BBX: variants seen among roughly 807,000 people sequenced by gnomAD.
BBX encodes BBX high mobility group box domain containing.
A neutral mutation model predicts 100.2 loss-of-function variants in BBX; 30 were observed. The observed-to-expected ratio is 0.30, with a 90% CI of 0.22 to 0.41. The LOEUF (loss-of-function observed/expected upper bound fraction) is 0.41, where lower values mean the gene tolerates loss of function less well. Ranked by LOEUF, BBX falls within the 10% of genes least tolerant of loss-of-function variation. The pLI, the probability that BBX is intolerant of heterozygous loss-of-function variation, is 1.00. For missense variants in BBX, 1,023 were observed against 1,129.8 expected, an observed-to-expected ratio of 0.91 and a Z score of 1.35; for synonymous variants, 376 against 388.1, an observed-to-expected ratio of 0.97 and a Z score of 0.37.
At chr3:107,566,124 G>A (rs1043078079) in intron 2 of BBX, among the ~76,000 whole-genome samples, 4 of 125,616 alleles carry the variant, frequency 3.2e-5, no homozygotes, top group East Asian at 5.3e-4. Flanking sequence ...GCAGTGAGCC[G>A]AGATCGCGCC....
intron 2 of BBX, among the ~76,000 whole-genome samples, chr3:107,545,281 A>T (rs1476273113): frequency 1.3e-5 from 2 of 152,216 alleles, no homozygotes; most frequent in African/African-American, 2.4e-5. Context: ...TATCCCCTTT[A>T]TCCATCATTA....
chr3:107,528,841 A>C (rs929288613), intron 2 of BBX, among the ~76,000 whole-genome samples: 1 of 152,244 alleles, frequency 6.6e-6, no homozygotes, highest in Admixed American at 6.5e-5. Flanking sequence ...CAGTAAAATC[A>C]CAGGCAATTT....
intron 3 of BBX, among the ~76,000 whole-genome samples, chr3:107,688,959 A>G (rs2059999134): frequency 6.6e-6 from 1 of 152,162 alleles, no homozygotes; most frequent in Non-Finnish European, 1.5e-5. Context: ...AGTTCAAGGG[A>G]AGCTATAATG....
chr3:107,585,725 A>C (rs1455975289), intron 2 of BBX, among the ~76,000 whole-genome samples: 1 of 152,210 alleles, frequency 6.6e-6, no homozygotes, highest in Non-Finnish European at 1.5e-5. Context: ...AATAAGAGAA[A>C]TAGTCCTAGA....
rs893707637 is a variant in BBX at position 107,577,119 on chromosome 3, A to T, written c.-84+50721A>T. On this transcript the variant is annotated intron_variant, in intron 2 of 17. Coordinates refer to ENST00000325805, the MANE Select transcript of BBX (RefSeq NM_001142568.3). Reference sequence around the variant, plus strand: ...CATGATCCACCCACCTCAGCCTCCCAAAGTGCTGGGATTACAGGTGTAAGC... The same window carrying T: ...CATGATCCACCCACCTCAGCCTCCCTAAGTGCTGGGATTACAGGTGTAAGC... 5.9e-5 allele frequency among the ~76,000 whole-genome samples: 9 copies of T among 152,300 alleles called. No homozygotes were observed. In the East Asian group the frequency reaches 1.7e-3, roughly 29 times the overall value.
chr3:107,744,817 C>A, intron 8 of BBX, 107 bp downstream of exon 8: 1 of 861,348 alleles, frequency 1.2e-6, no homozygotes, highest in South Asian at 1.7e-5. Flanking sequence ...CTCAGCTCAA[C>A]CATAAGTGGG....
In BBX at chr3:107,669,224, T is replaced by A. The variant is rs2058902083; in HGVS notation, c.-10+23315T>A. Reference sequence around the variant, plus strand: ...ATAGTGTCACAAGGCAGTTTATGGCTCATGCTGTAGAGAATTAAGAATTTA... The same window carrying A: ...ATAGTGTCACAAGGCAGTTTATGGCACATGCTGTAGAGAATTAAGAATTTA... On this transcript the variant is annotated intron_variant, in intron 3 of 17. Coordinates refer to ENST00000325805, the MANE Select transcript of BBX (RefSeq NM_001142568.3). 2.0e-5 allele frequency among the ~76,000 whole-genome samples: 3 copies of A among 152,156 alleles called. No homozygotes were observed. In the South Asian group the frequency reaches 6.2e-4, roughly 32 times the overall value.
chr3:107,799,649 A>G (rs2070200264), intron 16 of BBX, among the ~76,000 whole-genome samples: 1 of 152,118 alleles, frequency 6.6e-6, no homozygotes, highest in Admixed American at 6.6e-5. Flanking sequence ...TTAAGCTTAA[A>G]ATGCATCCAA....
intron 2 of BBX, among the ~76,000 whole-genome samples, chr3:107,612,265 T>G (rs763579342): frequency 1.3e-5 from 2 of 152,182 alleles, no homozygotes; most frequent in African/African-American, 2.4e-5. Flanking sequence ...GATGTCATGT[T>G]TTCCTGGATG....
chr3:107,642,954 C>T (rs1172834633), intron 2 of BBX, among the ~76,000 whole-genome samples: 2 of 152,114 alleles, frequency 1.3e-5, no homozygotes, highest in South Asian at 2.1e-4. Context: ...ATCAGAAAAG[C>T]AGTCATTCAT....
intron 10 of BBX, among the ~76,000 whole-genome samples, chr3:107,756,726 A>G (rs1353233702): frequency 6.6e-6 from 1 of 152,212 alleles, no homozygotes; most frequent in Non-Finnish European, 1.5e-5. Context: ...GTCTGACACT[A>G]CAATGACACG....
rs902822567 is a variant in BBX at position 107,626,897 on chromosome 3, C to T, written c.-83-18939C>T. 2.3e-4 allele frequency among the ~76,000 whole-genome samples: 35 copies of T among 151,964 alleles called. 1 individual carries two copies. Among genetic ancestry groups the T allele is most frequent in the Non-Finnish European group, 5.9e-5 (4 of 67,994 alleles). The stretch of plus-strand genomic sequence containing the variant: ...CTCAAACTCCTGACCTCAAGTGATC[C>T]GCCCGTCTTGGCCTCTAGTGCTAAG... On this transcript the variant is annotated intron_variant, in intron 2 of 17. Transcript: ENST00000325805.
intron 2 of BBX, among the ~76,000 whole-genome samples, chr3:107,531,819 T>C (rs554307866): frequency 1.3e-5 from 2 of 152,284 alleles, no homozygotes; most frequent in African/African-American, 4.8e-5. Flanking sequence ...AACAGCTCTT[T>C]TCATATTTCA....
chr3:107,652,876 C>T (rs576645392), intron 3 of BBX, among the ~76,000 whole-genome samples: 3 of 152,060 alleles, frequency 2.0e-5, no homozygotes, highest in Non-Finnish European at 4.4e-5. Context: ...ACATGTAATT[C>T]TTTCATAGAA....
chr3:107,524,984 G>C (rs1380791271), intron 1 of BBX, among the ~76,000 whole-genome samples: 1 of 151,590 alleles, frequency 6.6e-6, no homozygotes, highest in Non-Finnish European at 1.5e-5. Flanking sequence ...GTGGCTGACT[G>C]GGACTGGGGT....
chr3:107,616,362 A>T (rs147499901), intron 2 of BBX, among the ~76,000 whole-genome samples: 1 of 152,156 alleles, frequency 6.6e-6, no homozygotes, highest in Non-Finnish European at 1.5e-5. Context: ...AGGGTTACTC[A>T]GCCTGTAATA....
At chr3:107,707,704 G>A (rs1207234954) in intron 3 of BBX, among the ~76,000 whole-genome samples, 1 of 152,160 alleles carries the variant, frequency 6.6e-6, no homozygotes, top group Non-Finnish European at 1.5e-5. Flanking sequence ...AATTAGAAAT[G>A]AGGGAGGACT....
At chr3:107,537,938 A>T (rs1278578072) in intron 2 of BBX, among the ~76,000 whole-genome samples, 2 of 152,258 alleles carry the variant, frequency 1.3e-5, no homozygotes, top group Non-Finnish European at 2.9e-5. Context: ...AGCTCACATC[A>T]GTAATAACCC....
At chr3:107,706,506 TATC>T (rs1309943724) in intron 3 of BBX, among the ~76,000 whole-genome samples, 1 of 152,176 alleles carries the variant, frequency 6.6e-6, no homozygotes, top group Non-Finnish European at 1.5e-5. Context: ...GGGGGCTTTA[TATC>T]ATCATTTGAC....
Sources: allele counts gnomAD v4.1 joint callset (sites outside exome capture counted in the v4.1 genomes callset), GRCh38; gene constraint gnomAD v4.1.1; transcripts MANE v1.5; gene names NCBI Gene and HGNC (gene_info 2026-07-23, HGNC 2026-07-21).